GBE1: variants seen among roughly 807,000 people sequenced by gnomAD.
The protein encoded by GBE1 is 1,4-alpha-glucan branching enzyme 1.
In GBE1, 70 loss-of-function variants were observed where a neutral mutation model predicts 88.8. That is an observed-to-expected ratio of 0.79 (90% CI 0.65 to 0.96). The LOEUF (loss-of-function observed/expected upper bound fraction) is 0.96, where lower values mean the gene tolerates loss of function less well. Ranked by LOEUF, GBE1 falls within the 40% of genes least tolerant of loss-of-function variation. GBE1 has a pLI of 0.00. For synonymous variants in GBE1, 284 were observed against 300.1 expected, an observed-to-expected ratio of 0.95 and a Z score of 0.56; for missense variants, 872 against 871.0, an observed-to-expected ratio of 1.00 and a Z score of -0.01.
At chr3:81,609,143 T>C (rs1022732913) in intron 7 of GBE1, among the ~76,000 whole-genome samples, 1 of 152,166 alleles carries the variant, frequency 6.6e-6, no homozygotes, top group African/African-American at 2.4e-5. Flanking sequence ...GGGCAGCTCT[T>C]AGGAGTTACA....
intron 7 of GBE1, chr3:81,612,239 A>AAAAAC: frequency 1.9e-6 from 1 of 528,514 alleles, no homozygotes; most frequent in African/African-American, 2.1e-5. Context: ...AAAAAAAAAA[A>AAAAAC]AAAACTTAAA....
At chr3:81,591,807 C>T (rs1703882072) in intron 8 of GBE1, among the ~76,000 whole-genome samples, 1 of 151,968 alleles carries the variant, frequency 6.6e-6, no homozygotes, top group East Asian at 1.9e-4. Flanking sequence ...AATTTGTGCT[C>T]AATATCAGCC....
intron 14 of GBE1, among the ~76,000 whole-genome samples, chr3:81,533,689 C>A (rs1282915025): frequency 1.3e-5 from 2 of 152,092 alleles, no homozygotes; most frequent in Non-Finnish European, 2.9e-5. Context: ...ATGTTAATAT[C>A]ATTCTTCTTC....
intron 12 of GBE1, among the ~76,000 whole-genome samples, chr3:81,570,376 G>A (rs916018608): frequency 6.6e-6 from 1 of 152,152 alleles, no homozygotes; most frequent in Admixed American, 6.5e-5. Flanking sequence ...GGATATGATT[G>A]TTGTACTAAA....
At chr3:81,685,892 C>G (rs988042009) in intron 2 of GBE1, among the ~76,000 whole-genome samples, 1 of 152,132 alleles carries the variant, frequency 6.6e-6, no homozygotes, top group Admixed American at 6.5e-5. Flanking sequence ...TCCTAACTGC[C>G]ATCTCTACTT....
intron 12 of GBE1, among the ~76,000 whole-genome samples, chr3:81,559,673 G>T (rs754820046): frequency 6.6e-6 from 1 of 151,856 alleles, no homozygotes; most frequent in Non-Finnish European, 1.5e-5. Context: ...TAGCCACGTT[G>T]CTGGAATTGG....
chr3:81,666,838 A>G (rs2107107695), intron 3 of GBE1, among the ~76,000 whole-genome samples: 1 of 152,310 alleles, frequency 6.6e-6, no homozygotes, highest in South Asian at 2.1e-4. Context: ...TATGATTTTA[A>G]TTGCCTAAAA....
intron 2 of GBE1, among the ~76,000 whole-genome samples, chr3:81,692,326 C>A (rs1470833903): frequency 6.6e-6 from 1 of 152,148 alleles, no homozygotes; most frequent in African/African-American, 2.4e-5. Flanking sequence ...AACTAATGTG[C>A]ACAATATACA....
intron 10 of GBE1, among the ~76,000 whole-genome samples, chr3:81,585,748 T>C (rs1703794637): frequency 6.6e-6 from 1 of 152,142 alleles, no homozygotes; most frequent in South Asian, 2.1e-4. Context: ...TAATGCATGA[T>C]CTGTAGGCAT....
intron 2 of GBE1, among the ~76,000 whole-genome samples, chr3:81,687,128 T>C (rs1705453553): frequency 6.6e-6 from 1 of 152,210 alleles, no homozygotes; most frequent in Non-Finnish European, 1.5e-5. Context: ...CCTACATGTT[T>C]GCTATGCACA....
chr3:81,753,874 C>T (rs1199688410), intron 1 of GBE1, among the ~76,000 whole-genome samples: 2 of 152,118 alleles, frequency 1.3e-5, no homozygotes, highest in Non-Finnish European at 2.9e-5. Flanking sequence ...CACAACTTGG[C>T]CAGGCACTGA....
intron 2 of GBE1, among the ~76,000 whole-genome samples, chr3:81,686,028 G>A (rs767446107): frequency 2.0e-5 from 3 of 152,110 alleles, no homozygotes; most frequent in Non-Finnish European, 1.5e-5. Context: ...CACTGGCATT[G>A]GAAACTCCTG....
rs200724601 is a variant in GBE1 at position 81,679,715 on chromosome 3, G to GA, written c.314-8763dup. ...TCTCTCCAATGCTATTGTTGCTTGT[G>GA]AAAAACTGTATGGTGGGTATTATAT... On this transcript the variant is annotated intron_variant, in intron 2 of 15. Coordinates refer to ENST00000429644, the MANE Select transcript of GBE1 (RefSeq NM_000158.4). 9.6e-3 allele frequency among the ~76,000 whole-genome samples: 1,462 copies of GA among 152,264 alleles called. 16 individuals are homozygous for GA. Among genetic ancestry groups the GA allele is most frequent in the Middle Eastern group, 0.027 (8 of 294 alleles).
At chr3:81,657,913 A>G (rs1349847399) in intron 3 of GBE1, among the ~76,000 whole-genome samples, 2 of 152,134 alleles carry the variant, frequency 1.3e-5, no homozygotes, top group East Asian at 3.8e-4. Flanking sequence ...GAGAGATTAA[A>G]TGATTAGATT....
chr3:81,744,903 T>TA (rs1706400416), intron 1 of GBE1, among the ~76,000 whole-genome samples: 1 of 152,222 alleles, frequency 6.6e-6, no homozygotes, highest in African/African-American at 2.4e-5. Flanking sequence ...CTAATTTTAA[T>TA]AGAGAAATAA....
At chr3:81,491,169 GC>G (rs1224495395) in intron 15 of GBE1, among the ~76,000 whole-genome samples, 1 of 152,102 alleles carries the variant, frequency 6.6e-6, no homozygotes, top group East Asian at 1.9e-4. Flanking sequence ...AACACTCTTT[GC>G]CTTGCTGGTT....
chr3:81,746,226 T>C (rs1243746040), intron 1 of GBE1, among the ~76,000 whole-genome samples: 1 of 152,190 alleles, frequency 6.6e-6, no homozygotes, highest in Non-Finnish European at 1.5e-5. Context: ...AGACTGATAC[T>C]GTGAAATGAG....
intron 12 of GBE1, among the ~76,000 whole-genome samples, chr3:81,540,588 A>T (rs1205115805): frequency 6.6e-6 from 1 of 152,108 alleles, no homozygotes; most frequent in African/African-American, 2.4e-5. Context: ...GCTCTTGTTC[A>T]TACAGGTTTT....
At chr3:81,652,925 CG>C (rs1704871554) in intron 3 of GBE1, among the ~76,000 whole-genome samples, 1 of 151,968 alleles carries the variant, frequency 6.6e-6, no homozygotes, top group African/African-American at 2.4e-5. Context: ...AAATTCCAGT[CG>C]GAAAAATTTT....
Sources: allele counts gnomAD v4.1 joint callset (sites outside exome capture counted in the v4.1 genomes callset), GRCh38; gene constraint gnomAD v4.1.1; transcripts MANE v1.5; gene names NCBI Gene and HGNC (gene_info 2026-07-23, HGNC 2026-07-21).